Variants in RNF214 observed in about 807,000 individuals in gnomAD.
The protein encoded by RNF214 is ring finger protein 214.
Under a neutral mutation model 75.9 loss-of-function variants are expected in RNF214, and 25 were observed. That is an observed-to-expected ratio of 0.33 (90% CI 0.24 to 0.46). RNF214 has a LOEUF of 0.46. Ranked by LOEUF, RNF214 falls within the 20% of genes least tolerant of loss-of-function variation. The pLI is 1.00. For missense variants in RNF214, 725 were observed against 857.5 expected, an observed-to-expected ratio of 0.85 and a Z score of 1.93; for synonymous variants, 314 against 308.8, an observed-to-expected ratio of 1.02 and a Z score of -0.18.
intron 5 of RNF214, 34 bp downstream of exon 5, chr11:117,244,619 A>G (rs761395038): frequency 6.5e-7 from 1 of 1,529,884 alleles, no homozygotes; most frequent in Non-Finnish European, 8.8e-7. Context: ...TCAATGAGTT[A>G]AGCAACAGTC....
chr11:117,285,307 A>G lies in RNF214; in HGVS notation c.*156A>G, dbSNP rs1014698092. On this transcript the variant is annotated 3_prime_UTR_variant, in exon 15 of 15. Transcript: ENST00000300650. ...GTGTGTATAGAAAGTCTGTATTCCA[A>G]TGTTCGTAAATGAAACTATGTATAT... 5.1e-5 allele frequency: 28 copies of G among 550,250 alleles called. No homozygotes were observed. The highest frequency in any genetic ancestry group is 4.2e-4 in the Middle Eastern group (1 of 2,404). The allele number at this position is 550,250 out of a possible 1,614,324, so 34.1% of individuals were successfully genotyped here.
intron 6 of RNF214, among the ~76,000 whole-genome samples, chr11:117,272,588 G>A (rs1016878480): frequency 2.0e-5 from 3 of 151,726 alleles, no homozygotes; most frequent in Non-Finnish European, 4.4e-5. Context: ...CTAGTATTCC[G>A]GAACTTAAAG....
rs886163268 is a variant in RNF214 at position 117,238,668 on chromosome 11, A to G, written c.175A>G (p.Lys59Glu). Reference sequence around the variant, plus strand: ...GAGTGTAAGTAGCCAAACAATAACCAAGGAGAATAACAGAAATGTCCATTT... The same window carrying G: ...GAGTGTAAGTAGCCAAACAATAACCGAGGAGAATAACAGAAATGTCCATTT... ...LLSVSSQTIT[K>E]ENNRNVHLEH... Residue 59 changes from lysine (K) to glutamate (E), a missense_variant, in exon 3 of 15, where the codon AAG becomes GAG. Around this residue, in one of 2 missense-constraint regions of RNF214, gnomAD observed 362 missense variants for 344.5 expected, o/e 1.05. Transcript: ENST00000300650. 1 of 1,614,080 alleles carries G rather than the reference A, an allele frequency of 6.2e-7. No individual in the cohort carries two copies. The highest frequency in any genetic ancestry group is 1.3e-5 in the African/African-American group (1 of 74,942).
At chr11:117,259,304 T>C (rs1252205843) in intron 6 of RNF214, among the ~76,000 whole-genome samples, 1 of 152,254 alleles carries the variant, frequency 6.6e-6, no homozygotes, top group Non-Finnish European at 1.5e-5. Flanking sequence ...AGTTTGTTTA[T>C]TCATTCTGCT....
chr11:117,253,619 A>G (rs1035462651), intron 6 of RNF214, among the ~76,000 whole-genome samples: 1 of 151,220 alleles, frequency 6.6e-6, no homozygotes, highest in Non-Finnish European at 1.5e-5. Flanking sequence ...AGGCGGGAGG[A>G]TTGCTTGAGC....
At chr11:117,263,933 C>G in intron 6 of RNF214, 1 of 214,806 alleles carries the variant, frequency 4.7e-6, no homozygotes, top group South Asian at 6.5e-5. Flanking sequence ...TAGAGCTGTC[C>G]CAAGGCACAA....
At chr11:117,258,885 C>G (rs896393014) in intron 6 of RNF214, among the ~76,000 whole-genome samples, 2 of 152,156 alleles carry the variant, frequency 1.3e-5, no homozygotes, top group Non-Finnish European at 2.9e-5. Context: ...TCTTTTGTAT[C>G]AGAATTATTT....
chr11:117,246,608 GA>G (rs2033232474), intron 5 of RNF214, among the ~76,000 whole-genome samples, 200 bp from the exon 6 acceptor site: 2 of 152,250 alleles, frequency 1.3e-5, no homozygotes, highest in Non-Finnish European at 2.9e-5. Flanking sequence ...CTGTTGAGTT[GA>G]AATCTGCATT....
At chr11:117,269,393 ACT>A (rs1324412883) in intron 6 of RNF214, among the ~76,000 whole-genome samples, 1 of 150,238 alleles carries the variant, frequency 6.7e-6, no homozygotes, top group African/African-American at 2.5e-5. Flanking sequence ...ACAAGGTCTC[ACT>A]CTGTCACCCA....
chr11:117,242,305 A>G (rs546269577), intron 4 of RNF214, among the ~76,000 whole-genome samples: 1 of 152,328 alleles, frequency 6.6e-6, no homozygotes, highest in Admixed American at 6.5e-5. Flanking sequence ...TAGCAACCAG[A>G]TAAGAGAGTG....
intron 4 of RNF214, among the ~76,000 whole-genome samples, chr11:117,240,703 C>T (rs1049714105): frequency 2.0e-5 from 3 of 151,632 alleles, no homozygotes; most frequent in Non-Finnish European, 4.4e-5. Context: ...AAAAATGAAA[C>T]CTCTTATTAG....
rs372942701 is a variant in RNF214 at position 117,281,972 on chromosome 11, A to G, written c.1414A>G (p.Met472Val). The G allele has an allele frequency of 1.3e-4, 203 of 1,613,850 alleles. No homozygotes were observed. Among genetic ancestry groups the G allele is most frequent in the Middle Eastern group, 8.2e-4 (5 of 6,084 alleles). Reference sequence around the variant, plus strand: ...GCCCTTCTCCATTGGGCAGGTCACAATGCCCATGGTTATGCCCAGTGCAGA... The same window carrying G: ...GCCCTTCTCCATTGGGCAGGTCACAGTGCCCATGGTTATGCCCAGTGCAGA... ...RMPFSIGQVTMPMVMPSADPR... is the reference protein window; with the variant it reads ...RMPFSIGQVTVPMVMPSADPR... Residue 472 changes from methionine to valine, a missense_variant, in exon 11 of 15, where the codon ATG (methionine) becomes GTG (valine). Transcript: ENST00000300650.
chr11:117,261,938 A>T (rs138953353), intron 6 of RNF214, among the ~76,000 whole-genome samples: 1 of 150,994 alleles, frequency 6.6e-6, no homozygotes, highest in African/African-American at 2.4e-5. Flanking sequence ...GAGCCACCAC[A>T]CCTGGCCCAT....
chr11:117,241,652 T>G (rs991793604), intron 4 of RNF214, among the ~76,000 whole-genome samples: 1 of 152,168 alleles, frequency 6.6e-6, no homozygotes, highest in Non-Finnish European at 1.5e-5. Context: ...CCTTTCCTGC[T>G]TGTTAGCCAT....
At chr11:117,243,036 G>A (rs1011004832) in intron 4 of RNF214, among the ~76,000 whole-genome samples, 1 of 152,238 alleles carries the variant, frequency 6.6e-6, no homozygotes, top group African/African-American at 2.4e-5. Context: ...GTGATGCTGA[G>A]TAATCAGCTG....
chr11:117,280,262 A>G lies in RNF214; in HGVS notation c.1145+3A>G. The G allele has an allele frequency of 6.3e-7, 1 of 1,587,230 alleles. No individual in the cohort carries two copies. Among genetic ancestry groups the G allele is most frequent in the Non-Finnish European group, 8.6e-7 (1 of 1,156,334 alleles). On this transcript the variant is annotated splice_donor_region_variant and intron_variant, in intron 8 of 14. Coordinates refer to ENST00000300650, the MANE Select transcript of RNF214 (RefSeq NM_207343.4). ...GAATTGCACCTTACTTACCTCAAGT[A>G]AGTACCTTTCCGTTCTAGAGCTTTA...
At chr11:117,266,615 C>T (rs1198288560) in intron 6 of RNF214, among the ~76,000 whole-genome samples, 1 of 152,112 alleles carries the variant, frequency 6.6e-6, no homozygotes, top group African/African-American at 2.4e-5. Context: ...CTTTGTTGGC[C>T]TCCCAAAGCG....
chr11:117,282,904 G>T lies in RNF214; in HGVS notation c.1950+54G>T, dbSNP rs201325722. 76 of 1,415,606 alleles carry T rather than the reference G, an allele frequency of 5.4e-5. No homozygotes were observed. In the East Asian group the frequency reaches 1.3e-3, roughly 25 times the overall value. The allele number at this position is 1,415,606 out of a possible 1,614,324, so 87.7% of individuals were successfully genotyped here. A position where few individuals can be genotyped will look rare whatever the true frequency, so the allele number is the denominator to read the frequency against. On this transcript the variant is annotated intron_variant, in intron 13 of 14. Coordinates refer to ENST00000300650, the MANE Select transcript of RNF214 (RefSeq NM_207343.4). Reference sequence around the variant, plus strand: ...ATATGGAGAAGCTGGAGGTGAGGAAGGAGTGGGTTTACAGGTGGAGTGCAG... The same window carrying T: ...ATATGGAGAAGCTGGAGGTGAGGAATGAGTGGGTTTACAGGTGGAGTGCAG...
intron 6 of RNF214, among the ~76,000 whole-genome samples, chr11:117,271,582 A>G (rs1015396920): frequency 2.0e-5 from 3 of 152,248 alleles, no homozygotes; most frequent in East Asian, 1.9e-4. Flanking sequence ...CATTTCAGGC[A>G]GAAGCAGAGT....
Sources: allele counts gnomAD v4.1 joint callset (sites outside exome capture counted in the v4.1 genomes callset), GRCh38; gene constraint gnomAD v4.1.1; regional missense constraint gnomAD v4.1.1; transcripts MANE v1.5; gene names NCBI Gene and HGNC (gene_info 2026-07-23, HGNC 2026-07-21).